HS6ST2: variants seen among roughly 807,000 people sequenced by gnomAD.
The protein encoded by HS6ST2 is heparan-sulfate 6-O-sulfotransferase 2.
A neutral mutation model predicts 33.0 loss-of-function variants in HS6ST2; 17 were observed. The observed-to-expected ratio is 0.52, with a 90% CI of 0.35 to 0.77. The LOEUF is 0.77. Ranked by LOEUF, HS6ST2 falls within the 30% of genes least tolerant of loss-of-function variation. The pLI is 0.01. For synonymous variants in HS6ST2, 248 were observed against 237.1 expected (o/e 1.05, Z -0.42); for missense variants, 519 against 551.7 (o/e 0.94, Z 0.59).
At chrX:132,779,255 C>T (rs1221358627) in intron 2 of HS6ST2, among the ~76,000 whole-genome samples, 1 of 111,907 alleles carries the variant, frequency 8.9e-6, no homozygotes, top group Non-Finnish European at 1.9e-5. Flanking sequence ...TGATATTTTA[C>T]ATCCTTTCCC....
At chrX:132,815,721 A>G (rs2065387972) in intron 2 of HS6ST2, among the ~76,000 whole-genome samples, 1 of 111,646 alleles carries the variant, frequency 9.0e-6, no homozygotes, top group Non-Finnish European at 1.9e-5. Context: ...CTACGATGCT[A>G]TGATAAGTAC....
intron 2 of HS6ST2, among the ~76,000 whole-genome samples, chrX:132,905,473 C>T (rs1472575685): frequency 1.8e-5 from 2 of 112,613 alleles, no homozygotes; most frequent in African/African-American, 3.2e-5. Context: ...TTCTACCACA[C>T]TTTGAAAAGT....
intron 2 of HS6ST2, among the ~76,000 whole-genome samples, chrX:132,839,980 G>A (rs1163753292): frequency 1.8e-5 from 2 of 110,753 alleles, no homozygotes; most frequent in Non-Finnish European, 3.8e-5. Flanking sequence ...AGCCAGGCAT[G>A]GTGGTGCACG....
chrX:132,818,771 T>C (rs769405736), intron 2 of HS6ST2, among the ~76,000 whole-genome samples: 3 of 112,136 alleles, frequency 2.7e-5, no homozygotes, highest in South Asian at 3.8e-4. Flanking sequence ...GTGTGACCAA[T>C]TGGGAGTTTC....
intron 2 of HS6ST2, among the ~76,000 whole-genome samples, chrX:132,826,414 C>T (rs2065520630): frequency 9.0e-6 from 1 of 111,161 alleles, no homozygotes; most frequent in Non-Finnish European, 1.9e-5. Flanking sequence ...ATAAATTACA[C>T]ACCAGATTTC....
intron 2 of HS6ST2, among the ~76,000 whole-genome samples, chrX:132,779,429 G>A (rs1317899213): frequency 1.8e-5 from 2 of 111,586 alleles, no homozygotes; most frequent in East Asian, 5.6e-4. Context: ...TAAAATGCCT[G>A]AAAGAGTACA....
intron 2 of HS6ST2, among the ~76,000 whole-genome samples, chrX:132,783,643 C>T (rs1260013588): frequency 9.0e-6 from 1 of 110,942 alleles, no homozygotes; most frequent in Non-Finnish European, 1.9e-5. Flanking sequence ...TGAGGGAATT[C>T]CCAGGGAGAC....
At chrX:132,816,590 T>C (rs779861444) in intron 2 of HS6ST2, among the ~76,000 whole-genome samples, 36 of 112,274 alleles carry the variant, frequency 3.2e-4, no homozygotes, top group Non-Finnish European at 5.8e-4. Context: ...CTGAAGTTTG[T>C]GCAAGGGTCT....
At chrX:132,800,021 G>A (rs1367759771) in intron 2 of HS6ST2, among the ~76,000 whole-genome samples, 1 of 112,184 alleles carries the variant, frequency 8.9e-6, no homozygotes, top group African/African-American at 3.2e-5. Flanking sequence ...AGGAAGGACC[G>A]ATTCTCAAGA....
intron 2 of HS6ST2, among the ~76,000 whole-genome samples, chrX:132,753,729 A>G (rs2064730656): frequency 8.9e-6 from 1 of 112,031 alleles, no homozygotes; most frequent in South Asian, 3.8e-4. Flanking sequence ...CCAGTGCTAC[A>G]AATGTATTTT....
chrX:132,900,212 T>A (rs1225478541), intron 2 of HS6ST2, among the ~76,000 whole-genome samples: 4 of 111,979 alleles, frequency 3.6e-5, no homozygotes, highest in African/African-American at 1.3e-4. Context: ...ACACTTCTTA[T>A]TTCTTTTTCC....
chrX:132,885,350 C>T (rs1270941396), intron 2 of HS6ST2, among the ~76,000 whole-genome samples: 1 of 111,401 alleles, frequency 9.0e-6, no homozygotes, highest in African/African-American at 3.3e-5. Context: ...CTAACAGTCA[C>T]ACAGAGCTGT....
intron 2 of HS6ST2, among the ~76,000 whole-genome samples, chrX:132,886,888 A>C (rs1307982260): frequency 9.0e-6 from 1 of 111,522 alleles, no homozygotes; most frequent in Non-Finnish European, 1.9e-5. Flanking sequence ...TAATCCCAGC[A>C]CTTTGGGAGG....
At position 132,627,967 on chromosome X, in the gene HS6ST2, G is replaced by C. The variant is rs964855629; in HGVS notation, c.*256C>G. 1 of 249,770 alleles carries C rather than the reference G, an allele frequency of 4.0e-6. No homozygotes were observed. Among genetic ancestry groups the C allele is most frequent in the East Asian group, 6.3e-5 (1 of 15,764 alleles). The allele number at this position is 249,770 out of a possible 1,213,427, so 20.6% of individuals were successfully genotyped here. ...TAAAATATCTAAACAGCAATTTCTG[G>C]TGAGTCTGGTTTGGCTTTCGGATTT... is the stretch of plus-strand genomic sequence containing the variant. On this transcript the variant is annotated 3_prime_UTR_variant, in exon 5 of 5. Transcript: ENST00000370833.
chrX:132,728,980 G>A (rs1156306201), intron 2 of HS6ST2, among the ~76,000 whole-genome samples: 1 of 112,301 alleles, frequency 8.9e-6, no homozygotes, highest in African/African-American at 3.2e-5. Flanking sequence ...CACTCCCTGG[G>A]CAGGTCAGTC....
chrX:132,753,290 G>A (rs1235779886), intron 2 of HS6ST2, among the ~76,000 whole-genome samples: 1 of 111,721 alleles, frequency 9.0e-6, no homozygotes, highest in Non-Finnish European at 1.9e-5. Context: ...GGTTGTGGAG[G>A]AAAGAATACT....
intron 2 of HS6ST2, among the ~76,000 whole-genome samples, chrX:132,752,436 C>T (rs1174362835): frequency 2.0e-5 from 2 of 99,211 alleles, no homozygotes; most frequent in Non-Finnish European, 4.0e-5. Flanking sequence ...TGCATCACTG[C>T]ACTCCAGCCT....
chrX:132,958,603 T>TC lies in HS6ST2; in HGVS notation c.-2dup, dbSNP rs1190842096. The TC allele has an allele frequency of 1.7e-6, 2 of 1,164,015 alleles. No individual in the cohort carries two copies. The highest frequency in any genetic ancestry group is 2.4e-5 in the Admixed American group (1 of 40,996). ...GGACTGCACACGCAGGCAGTGCCAT[T>TC]CCCCCCTTCAGGCAACTCAGGGTAC... On this transcript the variant is annotated 5_prime_UTR_variant, in exon 1 of 5. Transcript: ENST00000370833.
chrX:132,654,481 C>G (rs1469931881), intron 4 of HS6ST2, among the ~76,000 whole-genome samples: 1 of 111,396 alleles, frequency 9.0e-6, no homozygotes, highest in Admixed American at 9.6e-5. Context: ...CAGGGAAATG[C>G]AATGTGTACT....
Sources: allele counts gnomAD v4.1 joint callset (sites outside exome capture counted in the v4.1 genomes callset), GRCh38; gene constraint gnomAD v4.1.1; transcripts MANE v1.5; gene names NCBI Gene and HGNC (gene_info 2026-07-23, HGNC 2026-07-21).